Variants in HROB observed in about 807,000 individuals in gnomAD.
The protein encoded by HROB is homologous recombination OB-fold protein.
Under a neutral mutation model 61.0 loss-of-function variants are expected in HROB, and 44 were observed. That is an observed-to-expected ratio of 0.72 (90% CI 0.57 to 0.93). HROB has a LOEUF of 0.93. HROB is among the 40% of genes least tolerant of loss of function. The pLI is 0.00. For synonymous variants in HROB, 301 were observed against 310.4 expected, an observed-to-expected ratio of 0.97 and a Z score of 0.32; for missense variants, 716 against 796.2, an observed-to-expected ratio of 0.90 and a Z score of 1.21.
chr17:44,162,235 A>C lies in HROB; in HGVS notation c.*303A>C, dbSNP rs2054161720. ...TCCTGCCTCAGCTTAATTTTAGAGG[A>C]TATTGGGCCTGGTTTTCTTGTCCCT... is the stretch of plus-strand genomic sequence containing the variant. On this transcript the variant is annotated 3_prime_UTR_variant, in exon 10 of 10. Coordinates refer to ENST00000585683, the MANE Select transcript of HROB (RefSeq NM_001171251.3). 1 of 347,190 alleles carries C rather than the reference A, an allele frequency of 2.9e-6. No homozygotes were observed. Among genetic ancestry groups the C allele is most frequent in the South Asian group, 3.5e-5 (1 of 28,814 alleles). 21.5% of individuals were successfully genotyped at this position (347,190 alleles called of 1,614,324 possible).
intron 8 of HROB, 97 bp downstream of exon 8, chr17:44,155,508 T>C: frequency 6.5e-7 from 1 of 1,527,376 alleles, no homozygotes; most frequent in South Asian, 1.3e-5. Flanking sequence ...AGCAGAGGTC[T>C]GAAGGGGGCA....
chr17:44,149,561 T>C (rs896478754), intron 3 of HROB, among the ~76,000 whole-genome samples: 1 of 152,186 alleles, frequency 6.6e-6, no homozygotes, highest in Non-Finnish European at 1.5e-5. Context: ...CTTTTCCTTT[T>C]TTTAAGAAGA....
intron 8 of HROB, among the ~76,000 whole-genome samples, chr17:44,157,458 G>A (rs1222075598): frequency 7.2e-6 from 1 of 138,626 alleles, no homozygotes; most frequent in Non-Finnish European, 1.5e-5. Flanking sequence ...CTGTCCCCCA[G>A]GCTGGAGTGC....
Position 44,154,630 on chromosome 17 carries a change from A to T in HROB, c.1524A>T (p.Thr508=). Reference sequence around the variant, plus strand: ...TGATCAAGTCCCTGACTCGGAGCACAATGGACGCCAGTGTGGTTTTCAAGG... The same window carrying T: ...TGATCAAGTCCCTGACTCGGAGCACTATGGACGCCAGTGTGGTTTTCAAGG... ...AVMIKSLTRS[T]MDASVVFKDP... Residue 508 remains threonine, a synonymous_variant, in exon 6 of 10, where the codon ACA becomes ACT. Coordinates refer to ENST00000585683, the MANE Select transcript of HROB (RefSeq NM_001171251.3). 1 of 1,614,142 alleles carries T rather than the reference A, an allele frequency of 6.2e-7. No homozygotes were observed. The highest frequency in any genetic ancestry group is 1.1e-5 in the South Asian group (1 of 91,084).
chr17:44,143,219 T>A (rs1415536386), intron 1 of HROB, among the ~76,000 whole-genome samples: 1 of 151,846 alleles, frequency 6.6e-6, no homozygotes, highest in African/African-American at 2.4e-5. Flanking sequence ...ATTACAGGAG[T>A]GAGCCACCAT....
At position 44,148,997 on chromosome 17, in the gene HROB, C is replaced by G; in HGVS notation, c.1194C>G (p.Phe398Leu). ...HPSTRAKTRR[F>L]PGPAGILPHQ... ...CCACCCGAGCCAAAACTCGCCGTTT[C>G]CCTGGCCCAGCTGGGATCCTGCCTC... is the stretch of plus-strand genomic sequence containing the variant. Residue 398 changes from phenylalanine to leucine, a missense_variant, in exon 3 of 10, where the codon TTC (phenylalanine) becomes TTG (leucine). Transcript: ENST00000585683. 1 of 1,613,940 alleles carries G rather than the reference C, an allele frequency of 6.2e-7. No individual in the cohort carries two copies. Among genetic ancestry groups the G allele is most frequent in the Non-Finnish European group, 8.5e-7 (1 of 1,179,910 alleles).
chr17:44,154,402 A>G (rs1402519169), intron 5 of HROB, 154 bp from the exon 6 acceptor site: 4 of 655,204 alleles, frequency 6.1e-6, no homozygotes, highest in African/African-American at 1.8e-5. Context: ...TCTGTCAGAG[A>G]GAGATGGGGT....
chr17:44,150,881 A>G (rs556244660), intron 3 of HROB, 80 bp from the exon 4 acceptor site: 14 of 1,218,494 alleles, frequency 1.1e-5, no homozygotes, highest in Non-Finnish European at 1.4e-5. Context: ...TGAACTCATT[A>G]TGTAAACCAG....
chr17:44,150,412 C>CA (rs1052450476), intron 3 of HROB, among the ~76,000 whole-genome samples: 1 of 146,454 alleles, frequency 6.8e-6, no homozygotes, highest in Admixed American at 6.9e-5. Flanking sequence ...TTTTTTAAGA[C>CA]AGAGTCTTGC....
chr17:44,160,861 G>A (rs1300488032), intron 9 of HROB, among the ~76,000 whole-genome samples: 1 of 152,168 alleles, frequency 6.6e-6, no homozygotes, highest in Non-Finnish European at 1.5e-5. Flanking sequence ...ACAAGCCAAG[G>A]CATCACCAGA....
intron 9 of HROB, among the ~76,000 whole-genome samples, chr17:44,160,985 G>A (rs535132292): frequency 2.0e-5 from 3 of 152,240 alleles, no homozygotes; most frequent in East Asian, 1.9e-4. Flanking sequence ...GGTGGATCAC[G>A]AGGTCAAGAG....
At chr17:44,161,508 C>G (rs2054138670) in intron 9 of HROB, among the ~76,000 whole-genome samples, 1 of 152,186 alleles carries the variant, frequency 6.6e-6, no homozygotes, top group Admixed American at 6.6e-5. Flanking sequence ...TGGCTTTTCC[C>G]AGCCCTCTTT....
chr17:44,144,247 C>G (rs1037621469), intron 1 of HROB, among the ~76,000 whole-genome samples: 1 of 152,038 alleles, frequency 6.6e-6, no homozygotes, highest in South Asian at 2.1e-4. Context: ...TCAAGCGATT[C>G]TCCTGCCTCA....
Position 44,148,957 on chromosome 17 carries a change from A to G in HROB, c.1154A>G (p.Gln385Arg). The G allele has an allele frequency of 1.2e-6, 2 of 1,614,048 alleles. No homozygotes were observed. The highest frequency in any genetic ancestry group is 1.7e-6 in the Non-Finnish European group (2 of 1,179,980). Residue 385 changes from glutamine (Q) to arginine (R), a missense_variant, in exon 3 of 10, where the codon CAG becomes CGG. Gln to Arg is a conservative substitution (Grantham distance 43, BLOSUM62 1). Coordinates refer to ENST00000585683, the MANE Select transcript of HROB (RefSeq NM_001171251.3). ...LVTAASRTPQ[Q>R]PTHPSTRAKT... ...ACTGCTGCCAGCCGGACACCCCAGC[A>G]GCCCACCCATCCCTCCACCCGAGCC...
chr17:44,161,202 CAA>C (rs35777921), intron 9 of HROB, among the ~76,000 whole-genome samples: 7 of 125,386 alleles, frequency 5.6e-5, no homozygotes, highest in Admixed American at 8.0e-5. Context: ...GACTCTGTCT[CAA>C]AAAAAAAAAA....
chr17:44,160,350 G>A (rs1045616558), intron 9 of HROB, among the ~76,000 whole-genome samples: 7 of 152,122 alleles, frequency 4.6e-5, no homozygotes, highest in Admixed American at 1.3e-4. Context: ...GGCGGATCAC[G>A]AGGTCAGGAG....
rs542218037 is a variant in HROB at position 44,161,671 on chromosome 17, T to G, written c.1880-200T>G. ...GATTACGCCCCCGCCTTTTGTCATGTACGGGTACAAGGGGAGCAGAGGGAA... is the reference window on the plus strand; with the variant it reads ...GATTACGCCCCCGCCTTTTGTCATGGACGGGTACAAGGGGAGCAGAGGGAA... On this transcript the variant is annotated intron_variant, in intron 9 of 9. Coordinates refer to ENST00000585683, the MANE Select transcript of HROB (RefSeq NM_001171251.3). Among the ~76,000 whole-genome samples the G allele has an allele frequency of 2.6e-5, 4 of 152,276 alleles. No homozygotes were observed. The East Asian group carries it at 7.7e-4, about 29-fold the overall frequency.
intron 1 of HROB, among the ~76,000 whole-genome samples, chr17:44,143,912 T>C (rs958235640): frequency 1.3e-5 from 2 of 151,200 alleles, no homozygotes; most frequent in Non-Finnish European, 3.0e-5. Context: ...GCCCCCTTTC[T>C]TCCCTTCCAG....
At chr17:44,161,747 G>C in intron 9 of HROB, 124 bp from the exon 10 acceptor site, 1 of 1,011,026 alleles carries the variant, frequency 9.9e-7, no homozygotes, top group South Asian at 1.3e-5. Context: ...CCACTGCCTG[G>C]AGGAGCCGCC....
Sources: allele counts gnomAD v4.1 joint callset (sites outside exome capture counted in the v4.1 genomes callset), GRCh38; gene constraint gnomAD v4.1.1; transcripts MANE v1.5; gene names NCBI Gene and HGNC (gene_info 2026-07-23, HGNC 2026-07-21).